The following UBA6 variants were observed in gnomAD, a reference collection of about 807,000 sequenced individuals.
The protein encoded by UBA6 is ubiquitin like modifier activating enzyme 6.
A neutral mutation model predicts 148.3 loss-of-function variants in UBA6; 87 were observed. The observed-to-expected ratio is 0.59, with a 90% CI of 0.49 to 0.70. The LOEUF (loss-of-function observed/expected upper bound fraction) is 0.70. Among genes scored for constraint, UBA6 ranks in the 30% least tolerant of loss-of-function variants. UBA6 has a pLI of 0.00. For synonymous variants in UBA6, 376 were observed against 401.0 expected, an observed-to-expected ratio of 0.94 and a Z score of 0.75; for missense variants, 1,186 against 1,241.2, an observed-to-expected ratio of 0.96 and a Z score of 0.67.
intron 6 of UBA6, 99 bp from the exon 7 acceptor site, chr4:67,673,876 A>C: frequency 1.4e-6 from 1 of 722,092 alleles, no homozygotes; most frequent in Non-Finnish European, 2.3e-6. Flanking sequence ...TGCTAAAGAC[A>C]CATCGCTAAT....
intron 2 of UBA6, among the ~76,000 whole-genome samples, chr4:67,690,311 A>G (rs1730665370): frequency 6.6e-6 from 1 of 152,108 alleles, no homozygotes; most frequent in Non-Finnish European, 1.5e-5. Context: ...AATCAAAATG[A>G]ATCAAAGACT....
rs553013275 is a variant in UBA6 at position 67,696,712 on chromosome 4, A to G, written c.72-5T>C. On this transcript the variant is annotated splice_region_variant and splice_polypyrimidine_tract_variant and intron_variant, in intron 1 of 32. Transcript: ENST00000322244. ...ATGGGCAAATTTTTATTTGTGCTGG[A>G]AAAAAAAACATGGTTATTAAATATT... 23 of 1,583,154 alleles carry G rather than the reference A, an allele frequency of 1.5e-5. No homozygotes were observed. The African/African-American group carries it at 1.5e-4, about 10-fold the overall frequency.
At chr4:67,633,215 A>T in intron 23 of UBA6, 130 bp downstream of exon 23, 1 of 760,870 alleles carries the variant, frequency 1.3e-6, no homozygotes, top group Non-Finnish European at 2.0e-6. Flanking sequence ...GTTCTCATTT[A>T]ACTTACTACT....
intron 16 of UBA6, among the ~76,000 whole-genome samples, chr4:67,645,026 T>A (rs1729390896): frequency 6.6e-6 from 1 of 151,936 alleles, no homozygotes; most frequent in Non-Finnish European, 1.5e-5. Context: ...ATACAACATT[T>A]AAAAAAAAGA....
intron 10 of UBA6, among the ~76,000 whole-genome samples, chr4:67,664,605 C>T (rs1394262670): frequency 6.6e-5 from 10 of 152,100 alleles, no homozygotes; most frequent in Admixed American, 6.6e-4. Context: ...TTTAGTAGCA[C>T]AAGATCCCTT....
At chr4:67,633,608 T>G in intron 22 of UBA6, 135 bp from the exon 23 acceptor site, 1 of 648,204 alleles carries the variant, frequency 1.5e-6, no homozygotes, top group Non-Finnish European at 2.4e-6. Context: ...TCAAGCTCCT[T>G]TTCCCTTCCT....
intron 19 of UBA6, among the ~76,000 whole-genome samples, chr4:67,635,937 C>A (rs1020892094): frequency 6.6e-6 from 1 of 152,154 alleles, no homozygotes; most frequent in Non-Finnish European, 1.5e-5. Flanking sequence ...TCAACACTTA[C>A]AATACCTATA....
chr4:67,634,014 G>A (rs977658833), intron 22 of UBA6, among the ~76,000 whole-genome samples: 3 of 151,832 alleles, frequency 2.0e-5, no homozygotes, highest in East Asian at 3.9e-4. Context: ...CGCACCATAC[G>A]AATTGCTGTT....
At chr4:67,686,443 A>G (rs1730561382) in intron 2 of UBA6, among the ~76,000 whole-genome samples, 1 of 152,260 alleles carries the variant, frequency 6.6e-6, no homozygotes, top group African/African-American at 2.4e-5. Flanking sequence ...TACCGATTTC[A>G]AGCCAGTCAC....
chr4:67,656,170 C>G (rs934160105), intron 13 of UBA6, among the ~76,000 whole-genome samples: 12 of 152,200 alleles, frequency 7.9e-5, no homozygotes, highest in Non-Finnish European at 1.2e-4. Context: ...AAGAGGGAAT[C>G]CTCCCTAACT....
intron 9 of UBA6, among the ~76,000 whole-genome samples, chr4:67,667,962 A>G (rs2109937714): frequency 6.6e-6 from 1 of 152,298 alleles, no homozygotes; most frequent in South Asian, 2.1e-4. Context: ...CCCAACCAAC[A>G]TCTAGACATC....
At chr4:67,660,738 C>G (rs1245466387) in intron 13 of UBA6, among the ~76,000 whole-genome samples, 4 of 152,162 alleles carry the variant, frequency 2.6e-5, no homozygotes, top group Non-Finnish European at 5.9e-5. Context: ...TGCCACAGTC[C>G]TCCAGATCCC....
intron 13 of UBA6, among the ~76,000 whole-genome samples, chr4:67,652,022 A>G (rs1443338410): frequency 1.3e-5 from 2 of 152,156 alleles, no homozygotes; most frequent in Non-Finnish European, 2.9e-5. Context: ...AATACTTTGC[A>G]CCATATGCAA....
At chr4:67,636,157 T>A (rs1240635968) in intron 19 of UBA6, among the ~76,000 whole-genome samples, 1 of 152,142 alleles carries the variant, frequency 6.6e-6, no homozygotes, top group Non-Finnish European at 1.5e-5. Flanking sequence ...CTAAATGACA[T>A]CATATGTTGG....
At chr4:67,668,234 T>C (rs1730056573) in intron 9 of UBA6, among the ~76,000 whole-genome samples, 1 of 152,156 alleles carries the variant, frequency 6.6e-6, no homozygotes. Context: ...GCCTTTTCTG[T>C]TTGTCTCTGC....
chr4:67,696,650 C>A lies in UBA6; in HGVS notation c.129G>T (p.Leu43Phe). Reference protein sequence around the residue: ...STASVEIDDALYSRQRYVLGD... With the variant: ...STASVEIDDAFYSRQRYVLGD... ...AGTTTCTATGAGATTCTTACCTATA[C>A]AATGCATCATCGATTTCCACAGATG... Residue 43 changes from leucine (L) to phenylalanine (F), a missense_variant, in exon 2 of 33, where the codon TTG becomes TTT. Coordinates refer to ENST00000322244, the MANE Select transcript of UBA6 (RefSeq NM_018227.6). 2 of 1,605,648 alleles carry A rather than the reference C, an allele frequency of 1.2e-6. No homozygotes were observed. The highest frequency in any genetic ancestry group is 1.7e-5 in the Admixed American group (1 of 59,172).
intron 7 of UBA6, among the ~76,000 whole-genome samples, chr4:67,672,887 C>A (rs1730184189): frequency 6.6e-6 from 1 of 152,152 alleles, no homozygotes; most frequent in Non-Finnish European, 1.5e-5. Flanking sequence ...CCAGAACTGT[C>A]CTTCTCCCTA....
intron 8 of UBA6, among the ~76,000 whole-genome samples, chr4:67,669,823 T>C (rs1730096974): frequency 6.6e-6 from 1 of 152,228 alleles, no homozygotes; most frequent in South Asian, 2.1e-4. Context: ...GCATCCACTA[T>C]CTAACACAAT....
Position 67,618,917 on chromosome 4 carries a change from A to G in UBA6, c.*80T>C, listed in dbSNP as rs1728688783. 7.1e-7 allele frequency: 1 copy of G among 1,399,690 alleles called. No homozygotes were observed. The highest frequency in any genetic ancestry group is 1.4e-5 in the African/African-American group (1 of 69,276). 86.7% of individuals were successfully genotyped at this position (1,399,690 alleles called of 1,614,324 possible). On this transcript the variant is annotated 3_prime_UTR_variant, in exon 33 of 33. Transcript: ENST00000322244. ...GAAAGAGAAATCCATAGTATTATGA[A>G]CTGATTTTCTTTAGCTTCTGAATTA...
Sources: allele counts gnomAD v4.1 joint callset (sites outside exome capture counted in the v4.1 genomes callset), GRCh38; gene constraint gnomAD v4.1.1; transcripts MANE v1.5; gene names NCBI Gene and HGNC (gene_info 2026-07-23, HGNC 2026-07-21).